MACROD2: variants seen among roughly 807,000 people sequenced by gnomAD.
The protein encoded by MACROD2 is mono-ADP ribosylhydrolase 2.
A neutral mutation model predicts 70.4 loss-of-function variants in MACROD2; 36 were observed. The ratio of observed to expected loss-of-function variants is 0.51; its 90% CI spans 0.39 to 0.68. MACROD2 has a LOEUF of 0.68. Ranked by LOEUF, MACROD2 falls within the 30% of genes least tolerant of loss-of-function variation. The pLI, the probability that MACROD2 is intolerant of heterozygous loss-of-function variation, is 0.00. For missense variants in MACROD2, 496 were observed against 538.4 expected (o/e 0.92, Z 0.78); for synonymous variants, 172 against 178.8 (o/e 0.96, Z 0.30).
chr20:14,140,496 T>C (rs913980556), intron 3 of MACROD2, among the ~76,000 whole-genome samples: 1 of 152,222 alleles, frequency 6.6e-6, no homozygotes, highest in African/African-American at 2.4e-5. Flanking sequence ...AGAAAGGGGT[T>C]AATGTTTATA....
intron 4 of MACROD2, among the ~76,000 whole-genome samples, chr20:14,550,967 T>C (rs73901278): frequency 0.047 from 7,209 of 152,192 alleles, 582 homozygotes; most frequent in African/African-American, 0.16. Context: ...GCATTATTTT[T>C]TGAACTGCTT....
At chr20:14,278,667 C>G (rs2082279181) in intron 3 of MACROD2, among the ~76,000 whole-genome samples, 1 of 152,082 alleles carries the variant, frequency 6.6e-6, no homozygotes, top group African/African-American at 2.4e-5. Flanking sequence ...ATGGAATTTA[C>G]TTCACATTAA....
chr20:15,138,878 T>C (rs1033504580), intron 5 of MACROD2, among the ~76,000 whole-genome samples: 1 of 152,210 alleles, frequency 6.6e-6, no homozygotes, highest in African/African-American at 2.4e-5. Flanking sequence ...TATTTTCATT[T>C]GTTTGTTTAT....
intron 5 of MACROD2, among the ~76,000 whole-genome samples, chr20:14,967,463 C>T (rs1037386331): frequency 7.3e-5 from 11 of 151,512 alleles, no homozygotes; most frequent in African/African-American, 1.2e-4. Context: ...CGTGCCTGGC[C>T]GGTAGTTTTG....
intron 8 of MACROD2, among the ~76,000 whole-genome samples, chr20:15,823,337 C>T (rs906099899): frequency 1.7e-4 from 24 of 143,156 alleles, no homozygotes; most frequent in Non-Finnish European, 3.3e-4. Context: ...GCTGTCTATG[C>T]GAAGCAAATC....
intron 2 of MACROD2, among the ~76,000 whole-genome samples, chr20:14,005,667 A>T (rs1263672467): frequency 6.6e-6 from 1 of 151,634 alleles, no homozygotes; most frequent in Non-Finnish European, 1.5e-5. Flanking sequence ...CAGTGGCGCG[A>T]TGTGGGCTCA....
chr20:15,894,721 G>A (rs984740014), intron 10 of MACROD2, among the ~76,000 whole-genome samples: 5 of 152,322 alleles, frequency 3.3e-5, no homozygotes, highest in African/African-American at 9.6e-5. Flanking sequence ...AGTGATGGCT[G>A]TTGTTATCAA....
chr20:14,241,160 A>T lies in MACROD2; in HGVS notation c.271+155432A>T, dbSNP rs558624305. 3.3e-5 allele frequency among the ~76,000 whole-genome samples: 5 copies of T among 152,336 alleles called. No homozygotes were observed. The South Asian group carries it at 1.0e-3, about 32-fold the overall frequency. ...GAAATAAATACAAAAGAACACGAAG[A>T]AGTATTTGCTAACGCATATTTTTCT... On this transcript the variant is annotated intron_variant, in intron 3 of 17. Transcript: ENST00000684519.
intron 5 of MACROD2, among the ~76,000 whole-genome samples, chr20:15,201,018 G>C (rs2076651356): frequency 6.6e-6 from 1 of 152,062 alleles, no homozygotes; most frequent in Admixed American, 6.5e-5. Context: ...GTTTAGGGTG[G>C]GGCCCCAAGA....
chr20:15,278,803 G>A (rs1178628828), intron 6 of MACROD2, among the ~76,000 whole-genome samples: 4 of 152,130 alleles, frequency 2.6e-5, no homozygotes, highest in Admixed American at 2.6e-4. Context: ...TTATTTTGTT[G>A]GTCTTCATTA....
intron 8 of MACROD2, among the ~76,000 whole-genome samples, chr20:15,769,929 C>G (rs2147014215): frequency 6.6e-6 from 1 of 152,096 alleles, no homozygotes; most frequent in Non-Finnish European, 1.5e-5. Flanking sequence ...CAACAACTGG[C>G]TCACATTCCT....
At chr20:14,691,399 A>T (rs1445995209) in intron 5 of MACROD2, among the ~76,000 whole-genome samples, 5 of 152,200 alleles carry the variant, frequency 3.3e-5, no homozygotes, top group Non-Finnish European at 5.9e-5. Context: ...TGGGAAGATG[A>T]TCTGAAACCT....
intron 4 of MACROD2, among the ~76,000 whole-genome samples, chr20:14,638,475 G>T (rs6135215): frequency 0.15 from 23,180 of 151,774 alleles, 3,175 homozygotes; most frequent in African/African-American, 0.35. Flanking sequence ...ATTATATATA[G>T]AGAGAGAGCT....
intron 8 of MACROD2, among the ~76,000 whole-genome samples, chr20:15,519,056 TTCC>T (rs2047609155): frequency 6.8e-5 from 1 of 14,782 alleles, no homozygotes; most frequent in South Asian, 2.7e-3. Flanking sequence ...AACTCGCTCT[TTCC>T]TTCCTTCCTT....
intron 15 of MACROD2, among the ~76,000 whole-genome samples, chr20:16,023,204 G>A (rs1377767826): frequency 6.6e-6 from 1 of 152,144 alleles, no homozygotes. Context: ...ATCCGGGCAT[G>A]GTGGCTCACG....
intron 6 of MACROD2, among the ~76,000 whole-genome samples, chr20:15,327,053 G>C (rs183911244): frequency 2.0e-5 from 3 of 152,186 alleles, no homozygotes; most frequent in East Asian, 3.9e-4. Context: ...TACATTTTAC[G>C]TAATACAGAA....
At chr20:15,249,011 A>G (rs2077130578) in intron 6 of MACROD2, among the ~76,000 whole-genome samples, 1 of 152,188 alleles carries the variant, frequency 6.6e-6, no homozygotes, top group South Asian at 2.1e-4. Flanking sequence ...AGAGTGTGTT[A>G]ACAACCAGGT....
At chr20:15,453,037 A>G (rs915404352) in intron 7 of MACROD2, among the ~76,000 whole-genome samples, 2 of 152,168 alleles carry the variant, frequency 1.3e-5, no homozygotes, top group South Asian at 2.1e-4. Flanking sequence ...AACTAAACTG[A>G]GTGTGTCAGT....
chr20:15,600,829 G>T (rs1356388755), intron 8 of MACROD2, among the ~76,000 whole-genome samples: 1 of 152,118 alleles, frequency 6.6e-6, no homozygotes, highest in East Asian at 1.9e-4. Flanking sequence ...AAACACAGGA[G>T]CTCAAAAATA....
Sources: gnomAD v4.1 joint callset for allele counts (sites outside exome capture counted in the v4.1 genomes callset) on GRCh38, gnomAD v4.1.1 for gene constraint, MANE v1.5 for transcripts, NCBI Gene and HGNC (gene_info 2026-07-23, HGNC 2026-07-21) for gene names.